PKD1L3: variants seen among roughly 807,000 people sequenced by gnomAD.
The protein encoded by PKD1L3 is polycystin-1-like protein 3.
In PKD1L3, 239 loss-of-function variants were observed where a neutral mutation model predicts 184.1. The observed-to-expected ratio is 1.30, with a 90% CI of 1.17 to 1.45. The LOEUF is 1.45. PKD1L3 is among the 40% of genes most tolerant of loss of function. PKD1L3 has a pLI of 0.00. For missense variants in PKD1L3, 2,660 were observed against 2,067.2 expected (o/e 1.29, Z -5.56); for synonymous variants, 996 against 778.8 (o/e 1.28, Z -4.64).
chr16:71,945,303 T>TATAC (rs1194674285), intron 22 of PKD1L3, among the ~76,000 whole-genome samples: 2 of 51,184 alleles, frequency 3.9e-5, no homozygotes, highest in Non-Finnish European at 7.3e-5. Context: ...TATATATATA[T>TATAC]ATACACACAC....
rs1549292 is a variant in PKD1L3 at position 71,949,765 on chromosome 16, T to A, written c.3618+18A>T. 1.9e-4 allele frequency: 295 copies of A among 1,543,114 alleles called. 5 individuals are homozygous for A. In the South Asian group the frequency reaches 3.4e-3, roughly 18 times the overall value. ...CTAACTTCTGCAACTCCAATGGTTC[T>A]TCCCATCCCTCACATACCTTTACTG... is the stretch of plus-strand genomic sequence containing the variant. On this transcript the variant is annotated intron_variant, in intron 21 of 29. Coordinates refer to ENST00000620267, the MANE Select transcript of PKD1L3 (RefSeq NM_181536.2).
chr16:71,945,402 ATTT>A (rs2143283615), intron 22 of PKD1L3, among the ~76,000 whole-genome samples: 1 of 25,980 alleles, frequency 3.8e-5, no homozygotes, highest in East Asian at 2.6e-3. Flanking sequence ...ATATATATTT[ATTT>A]ATTTATTTAT....
rs983498397 is a variant in PKD1L3 at position 71,986,344 on chromosome 16, C to G, written c.711G>C (p.Met237Ile). 1.3e-6 allele frequency: 2 copies of G among 1,551,878 alleles called. No individual in the cohort carries two copies. Among genetic ancestry groups the G allele is most frequent in the African/African-American group, 2.7e-5 (2 of 73,000 alleles). The change falls in exon 5 of 30, where the codon ATG (methionine) becomes ATC (isoleucine). Residue 237 changes from methionine to isoleucine, a missense_variant. By Grantham distance (10) the Met-to-Ile change is conservative. Coordinates refer to ENST00000620267, the MANE Select transcript of PKD1L3 (RefSeq NM_181536.2). ...QPLPVITQLT[M>I]PVSVTHAGQS... ...GCCCAGCATGCGTGACAGACACGGG[C>G]ATGGTGAGCTGTGTTATCACAGGGA...
intron 16 of PKD1L3, 21 bp from the exon 17 acceptor site, chr16:71,954,322 A>C: frequency 6.7e-7 from 1 of 1,483,764 alleles, no homozygotes; most frequent in Non-Finnish European, 9.0e-7. Flanking sequence ...AAATCAGAAG[A>C]GGAAATACAT....
At chr16:71,995,504 A>G (rs2040753323) in intron 2 of PKD1L3, among the ~76,000 whole-genome samples, 1 of 152,032 alleles carries the variant, frequency 6.6e-6, no homozygotes, top group African/African-American at 2.4e-5. Flanking sequence ...TGTTATATTT[A>G]TACGTACGTG....
At chr16:71,982,789 T>G (rs2040212196) in intron 6 of PKD1L3, among the ~76,000 whole-genome samples, 1 of 151,880 alleles carries the variant, frequency 6.6e-6, no homozygotes, top group South Asian at 2.1e-4. Context: ...AGGCAGGGGC[T>G]CACTGTATTG....
intron 28 of PKD1L3, chr16:71,931,113 A>G (rs557677689): frequency 6.6e-6 from 1 of 152,168 alleles, no homozygotes; most frequent in East Asian, 1.9e-4. Flanking sequence ...AATGTTTTTT[A>G]CTTTATGTTT....
intron 28 of PKD1L3, among the ~76,000 whole-genome samples, chr16:71,932,948 G>A (rs1187271169): frequency 1.3e-5 from 2 of 151,558 alleles, no homozygotes; most frequent in East Asian, 1.9e-4. Context: ...CACCACACCT[G>A]GCTAATTTTT....
intron 26 of PKD1L3, 64 bp downstream of exon 26, chr16:71,935,294 T>G (rs1207869553): frequency 4.8e-6 from 7 of 1,460,848 alleles, no homozygotes; most frequent in African/African-American, 1.4e-5. Context: ...AGAATACTTG[T>G]GTATAAACAG....
intron 16 of PKD1L3, among the ~76,000 whole-genome samples, chr16:71,955,702 CCT>C (rs2039019085): frequency 6.6e-6 from 1 of 152,066 alleles, no homozygotes; most frequent in Non-Finnish European, 1.5e-5. Flanking sequence ...ACAATCCTCT[CCT>C]CTGTCATGGG....
chr16:71,986,151 G>C, intron 5 of PKD1L3, 70 bp downstream of exon 5: 1 of 1,509,260 alleles, frequency 6.6e-7, no homozygotes, highest in South Asian at 1.3e-5. Flanking sequence ...TCTGCAGGGA[G>C]GCAAATGGGT....
rs1015528491 is a variant in PKD1L3 at position 71,944,027 on chromosome 16, T to C, written c.3859+3A>G. 6.4e-7 allele frequency: 1 copy of C among 1,550,840 alleles called. No homozygotes were observed. Among genetic ancestry groups the C allele is most frequent in the Non-Finnish European group, 8.7e-7 (1 of 1,146,778 alleles). ...TCAGTATGTTGCCATTTCCTCTCCATACCCAAAATATCTCCAGTCAGCTTG... is the reference window on the plus strand; with the variant it reads ...TCAGTATGTTGCCATTTCCTCTCCACACCCAAAATATCTCCAGTCAGCTTG... On this transcript the variant is annotated splice_donor_region_variant and intron_variant, in intron 23 of 29. Transcript: ENST00000620267.
chr16:71,998,368 T>A lies in PKD1L3; in HGVS notation c.322A>T (p.Lys108Ter). Residue 108 changes from lysine to a stop codon, truncating the protein, a stop_gained, in exon 2 of 30, where the codon AAG becomes TAG. Coordinates refer to ENST00000620267, the MANE Select transcript of PKD1L3 (RefSeq NM_181536.2). LOFTEE classifies it high-confidence loss of function. ...PADVAANGPP[K>*]PLSCTYLSRN... ...GACAGGTAGGTGCAGCTGAGGGGCTTTGGGGGCCCGTTGGCTGCAACGTCT... is the reference window on the plus strand; with the variant it reads ...GACAGGTAGGTGCAGCTGAGGGGCTATGGGGGCCCGTTGGCTGCAACGTCT... 6.4e-7 allele frequency: 1 copy of A among 1,551,690 alleles called. No individual in the cohort carries two copies. The highest frequency in any genetic ancestry group is 8.7e-7 in the Non-Finnish European group (1 of 1,146,986).
Position 71,966,776 on chromosome 16 carries a change from G to A in PKD1L3, c.2465+361C>T, listed in dbSNP as rs116646639. Among the ~76,000 whole-genome samples the A allele has an allele frequency of 8.3e-4, 127 of 152,204 alleles. 1 individual carries two copies. Among genetic ancestry groups the A allele is most frequent in the Middle Eastern group, 3.4e-3 (1 of 292 alleles). On this transcript the variant is annotated intron_variant, in intron 15 of 29. Transcript: ENST00000620267. ...CTCAAAGTTTGACTGTCAGTAGACAGTTGTTTACTAAAGTTAGTCTTTAAG... is the reference window on the plus strand; with the variant it reads ...CTCAAAGTTTGACTGTCAGTAGACAATTGTTTACTAAAGTTAGTCTTTAAG...
intron 2 of PKD1L3, among the ~76,000 whole-genome samples, chr16:71,995,352 A>G (rs2040749257): frequency 1.3e-5 from 2 of 152,230 alleles, no homozygotes; most frequent in Admixed American, 1.3e-4. Context: ...AGCAATAATT[A>G]TGGAAAACAT....
chr16:71,938,367 GC>G (rs1344845818), intron 24 of PKD1L3, among the ~76,000 whole-genome samples: 1 of 152,214 alleles, frequency 6.6e-6, no homozygotes, highest in Non-Finnish European at 1.5e-5. Flanking sequence ...AGGGTGGCTT[GC>G]CATGGGCCCG....
chr16:71,958,415 C>T (rs1186591915), intron 16 of PKD1L3, among the ~76,000 whole-genome samples: 2 of 149,474 alleles, frequency 1.3e-5, no homozygotes, highest in Admixed American at 6.7e-5. Flanking sequence ...TGGACACACA[C>T]ACACTTCTCA....
chr16:71,935,049 G>A (rs927199054), intron 26 of PKD1L3, among the ~76,000 whole-genome samples: 11 of 152,350 alleles, frequency 7.2e-5, no homozygotes, highest in African/African-American at 2.2e-4. Flanking sequence ...TTTGTCGTGC[G>A]TTAGGCTTTA....
chr16:71,963,349 T>C lies in PKD1L3; in HGVS notation c.2468A>G (p.Tyr823Cys), dbSNP rs2039358244. 1.3e-6 allele frequency: 2 copies of C among 1,546,578 alleles called. No individual in the cohort carries two copies. The highest frequency in any genetic ancestry group is 2.4e-5 in the South Asian group (2 of 83,094). ...HDNSGVSPSW[Y>C]VSQVIVCDMA... is the part of the protein sequence containing the mutation. Reference sequence around the variant, plus strand: ...GTCACAGACAATTACCTGGCTGACATACCTATAGTAAAATGAAGATAACCA... The same window carrying C: ...GTCACAGACAATTACCTGGCTGACACACCTATAGTAAAATGAAGATAACCA... Residue 823 changes from tyrosine (Y) to cysteine (C), a missense_variant and splice_region_variant, in exon 16 of 30, where the codon TAT (tyrosine) becomes TGT (cysteine). Coordinates refer to ENST00000620267, the MANE Select transcript of PKD1L3 (RefSeq NM_181536.2).
Sources: gnomAD v4.1 joint callset for allele counts (sites outside exome capture counted in the v4.1 genomes callset) on GRCh38, gnomAD v4.1.1 for gene constraint, MANE v1.5 for transcripts, NCBI Gene and HGNC (gene_info 2026-07-23, HGNC 2026-07-21) for gene names.